PCDHGB6: variants seen among roughly 807,000 people sequenced by gnomAD.
The protein encoded by PCDHGB6 is protocadherin gamma-B6.
In PCDHGB6, 51 loss-of-function variants were observed where a neutral mutation model predicts 59.1. That is an observed-to-expected ratio of 0.86 (90% confidence interval 0.69 to 1.09). The LOEUF is 1.09. Among genes scored for constraint, PCDHGB6 ranks in the 50% least tolerant of loss-of-function variants. The pLI, the probability that PCDHGB6 is intolerant of heterozygous loss-of-function variation, is 0.00. For synonymous variants in PCDHGB6, 466 were observed against 495.1 expected, an observed-to-expected ratio of 0.94 and a Z score of 0.78; for missense variants, 1,148 against 1,205.1, an observed-to-expected ratio of 0.95 and a Z score of 0.70.
chr5:141,430,015 T>G (rs2097256653), intron 1 of PCDHGB6, among the ~76,000 whole-genome samples: 1 of 152,236 alleles, frequency 6.6e-6, no homozygotes, highest in South Asian at 2.1e-4. Context: ...TTCACTTGGG[T>G]TCTTGTTAAG....
At chr5:141,460,985 A>G (rs553462661) in intron 1 of PCDHGB6, among the ~76,000 whole-genome samples, 245 of 91,804 alleles carry the variant, frequency 2.7e-3, no homozygotes, top group Middle Eastern at 5.0e-3. Context: ...GTGTGTGTGT[A>G]TATATATATA....
intron 2 of PCDHGB6, among the ~76,000 whole-genome samples, chr5:141,504,799 C>A (rs1474096570): frequency 6.6e-6 from 1 of 151,994 alleles, no homozygotes; most frequent in African/African-American, 2.4e-5. Context: ...CCTACATCTC[C>A]CCCTAGGTAC....
rs762574320 is a variant in PCDHGB6, at chr5:141,485,926, G to A, written c.2419-8881G>A. The A allele has an allele frequency of 2.0e-5, 32 of 1,614,090 alleles. No individual in the cohort carries two copies. Among genetic ancestry groups the A allele is most frequent in the Admixed American group, 1.2e-4 (7 of 60,006 alleles). ...AGCAATCCAGCTACAGGATTAGTGT[G>A]TTGGAGAGCGCACCAGCGGGCATGG... On this transcript the variant is annotated intron_variant, in intron 1 of 3. Transcript: ENST00000520790. The surrounding 1 kb of genome is among the most constrained non-coding windows in gnomAD (Gnocchi z 5.7).
At chr5:141,470,001 C>T (rs753591964) in intron 1 of PCDHGB6, among the ~76,000 whole-genome samples, 6 of 152,006 alleles carry the variant, frequency 3.9e-5, no homozygotes, top group Admixed American at 1.3e-4. Context: ...CGTCGTGGCA[C>T]GCCTGTAATC....
rs1474106494 is a variant in PCDHGB6, at chr5:141,409,106, A to T, written c.904A>T (p.Lys302Ter). ...ATTGGATGAGAAAACAGGTATGATT[A>T]AGAATAACCAGTCATTTGATTTTGA... is the stretch of plus-strand genomic sequence containing the variant. ...FSLDEKTGMI[K>*]NNQSFDFEDV... The change falls in exon 1 of 4, where the codon AAG (lysine) becomes TAG (stop). Residue 302 changes from lysine (K) to a stop codon, truncating the protein, a stop_gained. Coordinates refer to ENST00000520790, the MANE Select transcript of PCDHGB6 (RefSeq NM_018926.3). LOFTEE classifies it high-confidence loss of function. The T allele has an allele frequency of 6.2e-7, 1 of 1,613,930 alleles. No homozygotes were observed. The highest frequency in any genetic ancestry group is 2.2e-5 in the East Asian group (1 of 44,900).
In PCDHGB6 at chr5:141,410,576, C is replaced by T. The variant is rs533810160; in HGVS notation, c.2374C>T (p.His792Tyr). 14 of 1,611,152 alleles carry T rather than the reference C, an allele frequency of 8.7e-6. No individual in the cohort carries two copies. Among genetic ancestry groups the T allele is most frequent in the Non-Finnish European group, 1.2e-5 (14 of 1,179,794 alleles). The change falls in exon 1 of 4, where the codon CAT (histidine) becomes TAT (tyrosine). Residue 792 changes from histidine to tyrosine, a missense_variant. By Grantham distance (83) the His-to-Tyr change is moderately conservative. This residue lies in a region of PCDHGB6 where 283 missense variants were observed against 318.6 expected (regional missense o/e 0.89). Coordinates refer to ENST00000520790, the MANE Select transcript of PCDHGB6 (RefSeq NM_018926.3). Reference sequence around the variant, plus strand: ...TTCTCCTGGAGCCTTAATTCCACCTCATGGTGGGGAGGATTTGACTTCACA... The same window carrying T: ...TTCTCCTGGAGCCTTAATTCCACCTTATGGTGGGGAGGATTTGACTTCACA... ...SVSPGALIPP[H>Y]GGEDLTSHPE...
Position 141,409,486 on chromosome 5 carries a change from C to T in PCDHGB6, c.1284C>T (p.Gly428=). 1 of 1,613,992 alleles carries T rather than the reference C, an allele frequency of 6.2e-7. No homozygotes were observed. Among genetic ancestry groups the T allele is most frequent in the Non-Finnish European group, 8.5e-7 (1 of 1,179,888 alleles). Residue 428 remains glycine (G), a synonymous_variant, in exon 1 of 4, where the codon GGC becomes GGT. Transcript: ENST00000520790. ...YNVTIVATDR[G]KPPLSSSRSI... is the part of the protein sequence containing the mutation. ...TCACCATCGTAGCCACTGACAGGGG[C>T]AAGCCGCCTCTTTCTTCCAGTAGAA...
At position 141,477,386 on chromosome 5, in the gene PCDHGB6, A is replaced by C; in HGVS notation, c.2419-17421A>C. 1 of 1,614,116 alleles carries C rather than the reference A, an allele frequency of 6.2e-7. No homozygotes were observed. Among genetic ancestry groups the C allele is most frequent in the South Asian group, 1.1e-5 (1 of 91,080 alleles). On this transcript the variant is annotated intron_variant, in intron 1 of 3. Coordinates refer to ENST00000520790, the MANE Select transcript of PCDHGB6 (RefSeq NM_018926.3). The surrounding 1 kb of genome is among the most constrained non-coding windows in gnomAD (Gnocchi z 4.9). ...GGATCGGGAGACTGTGCCAGAATAC[A>C]ACCTCAGCATCACCGCCCGAGACGC...
Position 141,408,475 on chromosome 5 carries a change from C to A in PCDHGB6, c.273C>A (p.Asp91Glu). Residue 91 changes from aspartate to glutamate, a missense_variant, in exon 1 of 4, where the codon GAC becomes GAA. Transcript: ENST00000520790. Reference sequence around the variant, plus strand: ...ACTTACTTGTGAAGAACCGAATAGACCGTGAGCAAATATGCAAAGAGAGAA... The same window carrying A: ...ACTTACTTGTGAAGAACCGAATAGAACGTGAGCAAATATGCAAAGAGAGAA... ...SGDLLVKNRI[D>E]REQICKERRR... 1.9e-6 allele frequency: 3 copies of A among 1,614,032 alleles called. No homozygotes were observed. The highest frequency in any genetic ancestry group is 1.7e-6 in the Non-Finnish European group (2 of 1,179,906).
At chr5:141,410,722 ATCC>A (rs2154543211) in intron 1 of PCDHGB6, 102 bp downstream of exon 1, 21 of 1,396,054 alleles carry the variant, frequency 1.5e-5, no homozygotes, top group Non-Finnish European at 2.0e-5. Context: ...TATGTTTAAA[ATCC>A]ATAGCTTTTT....
At position 141,485,275 on chromosome 5, in the gene PCDHGB6, G is replaced by A. The variant is rs77402299; in HGVS notation, c.2419-9532G>A. The A allele has an allele frequency of 8.7e-6, 14 of 1,613,954 alleles. No homozygotes were observed. In the African/African-American group the frequency reaches 1.1e-4, roughly 12 times the overall value. ...ACGTTTGTGGGCAGATCCGCTACCC[G>A]GTCCCAGAGGAGTCACAGGAAGGGA... On this transcript the variant is annotated intron_variant, in intron 1 of 3. Transcript: ENST00000520790. The surrounding 1 kb of genome is among the most constrained non-coding windows in gnomAD (Gnocchi z 5.7).
At chr5:141,441,102 C>G (rs1057297804) in intron 1 of PCDHGB6, 1 of 152,148 alleles carries the variant, frequency 6.6e-6, no homozygotes, top group East Asian at 1.9e-4. Context: ...GAGAGGGACT[C>G]ATTGTCCAGT....
chr5:141,441,364 CGT>C (rs1283671958), intron 1 of PCDHGB6: 1 of 152,528 alleles, frequency 6.6e-6, no homozygotes, highest in African/African-American at 2.4e-5. Context: ...CAAATGGGGC[CGT>C]GGACCAGGAA....
rs762783104 is a variant in PCDHGB6 at position 141,485,601 on chromosome 5, G to A, written c.2419-9206G>A. 4.3e-6 allele frequency: 7 copies of A among 1,612,290 alleles called. No homozygotes were observed. The highest frequency in any genetic ancestry group is 5.9e-6 in the Non-Finnish European group (7 of 1,178,722). On this transcript the variant is annotated intron_variant, in intron 1 of 3. Transcript: ENST00000520790. The surrounding 1 kb of genome is among the most constrained non-coding windows in gnomAD (Gnocchi z 5.7). ...CGGCAGCAGCTGGACTTGGAAATTG[G>A]GGAGGCAGCTCCTCCAGGACAGCGT...
intron 1 of PCDHGB6, chr5:141,422,865 C>G: frequency 1.2e-6 from 2 of 1,614,244 alleles, no homozygotes; most frequent in Non-Finnish European, 1.7e-6. Context: ...TCAGCAGCAA[C>G]GTGTCGCTGA....
intron 1 of PCDHGB6, chr5:141,419,506 C>T (rs527369615): frequency 6.2e-7 from 1 of 1,612,352 alleles, no homozygotes; most frequent in Non-Finnish European, 8.5e-7. Context: ...TGAGCCTGCG[C>T]GTGTTGGTGG....
intron 1 of PCDHGB6, among the ~76,000 whole-genome samples, chr5:141,449,974 A>T (rs2098661108): frequency 6.6e-6 from 1 of 151,260 alleles, no homozygotes; most frequent in African/African-American, 2.4e-5. Context: ...TTTAGTCCAA[A>T]ATATCACACA....
intron 1 of PCDHGB6, chr5:141,426,693 A>C (rs62378458): frequency 0.034 from 14,964 of 435,892 alleles, 320 homozygotes; most frequent in Middle Eastern, 0.11. Flanking sequence ...CCAAAATAGC[A>C]TTGTTTTACA....
chr5:141,409,830 G>C lies in PCDHGB6; in HGVS notation c.1628G>C (p.Ser543Thr). Residue 543 changes from serine (S) to threonine (T), a missense_variant, in exon 1 of 4, where the codon AGC becomes ACC. By Grantham distance (58) the Ser-to-Thr change is moderately conservative (BLOSUM62 1). Transcript: ENST00000520790. Reference sequence around the variant, plus strand: ...CGCGACCACGGCTCGCCCACGCTCAGCGCCAACGTGAGCCTGCGCGTGTTG... The same window carrying C: ...CGCGACCACGGCTCGCCCACGCTCACCGCCAACGTGAGCCTGCGCGTGTTG... ...QARDHGSPTL[S>T]ANVSLRVLVG... The C allele has an allele frequency of 6.2e-7, 1 of 1,611,250 alleles. No individual in the cohort carries two copies. Among genetic ancestry groups the C allele is most frequent in the Non-Finnish European group, 8.5e-7 (1 of 1,179,050 alleles).
Sources: allele counts gnomAD v4.1 joint callset (sites outside exome capture counted in the v4.1 genomes callset), GRCh38; gene constraint gnomAD v4.1.1; regional missense constraint gnomAD v4.1.1; non-coding constraint Gnocchi (gnomAD v3.1); transcripts MANE v1.5; gene names NCBI Gene and HGNC (gene_info 2026-07-23, HGNC 2026-07-21).